Variants in PTGFRN observed in about 807,000 individuals in gnomAD.
PTGFRN encodes the protein prostaglandin F2 receptor inhibitor, also known as prostaglandin F2 receptor negative regulator.
PTGFRN carries 35 observed loss-of-function variants against 83.2 expected under a neutral mutation model. The ratio of observed to expected loss-of-function variants is 0.42; its 90% confidence interval spans 0.32 to 0.56. The LOEUF (loss-of-function observed/expected upper bound fraction) is 0.56. Among genes scored for constraint, PTGFRN ranks in the 20% least tolerant of loss-of-function variants. The probability of loss-of-function intolerance (pLI) is 0.11; values close to 1 mark genes in which losing one functional copy is unlikely to be tolerated. For missense variants in PTGFRN, 1,051 were observed against 1,179.5 expected, an observed-to-expected ratio of 0.89 and a Z score of 1.60; for synonymous variants, 519 against 498.6, an observed-to-expected ratio of 1.04 and a Z score of -0.55.
At chr1:116,916,168 A>G (rs559504442) in intron 1 of PTGFRN, among the ~76,000 whole-genome samples, 2 of 152,342 alleles carry the variant, frequency 1.3e-5, no homozygotes, top group African/African-American at 4.8e-5. Flanking sequence ...TTTAAGTAAA[A>G]TGTTCTGGGA....
At chr1:116,915,654 G>A (rs941696622) in intron 1 of PTGFRN, among the ~76,000 whole-genome samples, 2 of 152,170 alleles carry the variant, frequency 1.3e-5, no homozygotes, top group Non-Finnish European at 2.9e-5. Flanking sequence ...ATGAGCTGCT[G>A]AGCTGATTTT....
In PTGFRN at chr1:116,958,483, G is replaced by A. The variant is rs978617513; in HGVS notation, c.1214-2760G>A. 6.6e-6 allele frequency among the ~76,000 whole-genome samples: 1 copy of A among 152,150 alleles called. No individual in the cohort carries two copies. The highest frequency in any genetic ancestry group is 2.4e-5 in the African/African-American group (1 of 41,426). On this transcript the variant is annotated intron_variant, in intron 4 of 8. Transcript: ENST00000393203. This position sits in a 1 kb window ranked among gnomAD's most constrained non-coding sequence, Gnocchi z 4.9. ...CCCATCTGCCACTTTTGAACTGTGTGGCCAAGTCACTAACTTCTTTAAAGC... is the reference window on the plus strand; with the variant it reads ...CCCATCTGCCACTTTTGAACTGTGTAGCCAAGTCACTAACTTCTTTAAAGC...
At chr1:116,922,857 G>C (rs542307053) in intron 1 of PTGFRN, among the ~76,000 whole-genome samples, 1 of 152,306 alleles carries the variant, frequency 6.6e-6, no homozygotes, top group Admixed American at 6.5e-5. Flanking sequence ...GAAACGACTG[G>C]AAGATAGATG....
intron 4 of PTGFRN, among the ~76,000 whole-genome samples, chr1:116,955,388 T>C (rs1221315497): frequency 6.6e-6 from 1 of 152,202 alleles, no homozygotes; most frequent in African/African-American, 2.4e-5. Flanking sequence ...GTTGAAGAAA[T>C]AACCACCAAC....
intron 4 of PTGFRN, among the ~76,000 whole-genome samples, chr1:116,960,236 A>C (rs1234634495): frequency 6.6e-6 from 1 of 152,206 alleles, no homozygotes. Flanking sequence ...AGTGCATCTC[A>C]CATCATCACA....
chr1:116,959,902 G>A (rs1156361741), intron 4 of PTGFRN, among the ~76,000 whole-genome samples: 2 of 152,046 alleles, frequency 1.3e-5, no homozygotes, highest in African/African-American at 4.8e-5. Context: ...CTGGAACCTG[G>A]GAGGCAGTTG....
At chr1:116,971,095 GTGT>G (rs1234694452) in intron 6 of PTGFRN, among the ~76,000 whole-genome samples, 1 of 152,114 alleles carries the variant, frequency 6.6e-6, no homozygotes, top group African/African-American at 2.4e-5. Flanking sequence ...CTGTTAACTT[GTGT>G]TGTTCATCTT....
Position 116,910,036 on chromosome 1 carries a change from G to T in PTGFRN, c.-168G>T. 1 of 762,456 alleles carries T rather than the reference G, an allele frequency of 1.3e-6. No homozygotes were observed. Among genetic ancestry groups the T allele is most frequent in the Non-Finnish European group, 2.2e-6 (1 of 456,630 alleles). The allele number at this position is 762,456 out of a possible 1,614,324, so 47.2% of individuals were successfully genotyped here. The stretch of plus-strand genomic sequence containing the variant: ...GGAGGGAGCGAGCGGAGCCAGGGGC[G>T]CACGTACGCCCCAGCGCTGGGATTT... On this transcript the variant is annotated 5_prime_UTR_variant, in exon 1 of 9. Transcript: ENST00000393203.
At position 116,974,265 on chromosome 1, in the gene PTGFRN, G is replaced by A. The variant is rs1455919924; in HGVS notation, c.2109G>A (p.Arg703=). Residue 703 remains arginine, a synonymous_variant, in exon 7 of 9, where the codon CGG becomes CGA. Coordinates refer to ENST00000393203, the MANE Select transcript of PTGFRN (RefSeq NM_020440.4). ...ATTCAGACACACCATCAGTAATTCG[G>A]GGAGATCTGATCAAATTGTTCTGTA... ...SVHSDTPSVI[R]GDLIKLFCII... 1 of 1,613,642 alleles carries A rather than the reference G, an allele frequency of 6.2e-7. No individual in the cohort carries two copies. Among genetic ancestry groups the A allele is most frequent in the East Asian group, 2.2e-5 (1 of 44,880 alleles).
At chr1:116,951,061 C>G (rs1650332395) in intron 4 of PTGFRN, among the ~76,000 whole-genome samples, 1 of 152,302 alleles carries the variant, frequency 6.6e-6, no homozygotes, top group East Asian at 1.9e-4. Context: ...CAAATCCCAG[C>G]ACTGGCTCTC....
chr1:116,921,453 A>C (rs945714922), intron 1 of PTGFRN, among the ~76,000 whole-genome samples: 2 of 152,254 alleles, frequency 1.3e-5, no homozygotes, highest in Non-Finnish European at 1.5e-5. Flanking sequence ...TCTTTGATTG[A>C]GAAATCCTTA....
chr1:116,940,246 A>G (rs1650028002), intron 1 of PTGFRN, among the ~76,000 whole-genome samples: 2 of 152,234 alleles, frequency 1.3e-5, no homozygotes, highest in Non-Finnish European at 2.9e-5. Context: ...TGGTTCCTGC[A>G]GAGGGCTGAG....
At position 116,987,164 on chromosome 1, in the gene PTGFRN, A is replaced by C. The variant is rs903508704; in HGVS notation, c.*197A>C. On this transcript the variant is annotated 3_prime_UTR_variant, in exon 9 of 9. Transcript: ENST00000393203. Reference sequence around the variant, plus strand: ...TTACCAGCACACGGCTCTTCTTCCCACGGCACTTTCTGATGTAACAATCGA... The same window carrying C: ...TTACCAGCACACGGCTCTTCTTCCCCCGGCACTTTCTGATGTAACAATCGA... 1.8e-6 allele frequency: 1 copy of C among 570,126 alleles called. No homozygotes were observed. The highest frequency in any genetic ancestry group is 1.9e-5 in the African/African-American group (1 of 53,232). 35.3% of individuals were successfully genotyped at this position (570,126 alleles called of 1,614,324 possible). A position where few individuals can be genotyped will look rare whatever the true frequency, so the allele number is the denominator to read the frequency against.
At chr1:116,910,353 G>T (rs993292780) in intron 1 of PTGFRN, 101 bp downstream of exon 1, 4 of 1,081,256 alleles carry the variant, frequency 3.7e-6, no homozygotes, top group Non-Finnish European at 4.7e-6. Context: ...CGCCGAGGGT[G>T]CCCGGGCTGC....
intron 3 of PTGFRN, 116 bp downstream of exon 3, chr1:116,945,208 T>G: frequency 7.6e-7 from 1 of 1,308,770 alleles, no homozygotes; most frequent in African/African-American, 1.5e-5. Context: ...CTGCTTCCCA[T>G]GTGAGGCCTT....
At chr1:116,962,707 T>C (rs1335180769) in intron 5 of PTGFRN, among the ~76,000 whole-genome samples, 3 of 152,164 alleles carry the variant, frequency 2.0e-5, no homozygotes, top group Non-Finnish European at 4.4e-5. Flanking sequence ...CAGTCTCAAT[T>C]TCAAGCATCC....
At chr1:116,934,402 C>T (rs1000969344) in intron 1 of PTGFRN, among the ~76,000 whole-genome samples, 4 of 152,216 alleles carry the variant, frequency 2.6e-5, no homozygotes, top group African/African-American at 4.8e-5. Context: ...CTGTCTCAGC[C>T]TCCCAGTGTG....
chr1:116,954,518 T>C (rs1557741893), intron 4 of PTGFRN, among the ~76,000 whole-genome samples: 1 of 152,258 alleles, frequency 6.6e-6, no homozygotes, highest in Non-Finnish European at 1.5e-5. Flanking sequence ...CAGCCATTCA[T>C]GTAATTAGCT....
intron 1 of PTGFRN, 42 bp downstream of exon 1, chr1:116,910,294 G>A (rs1158456106): frequency 7.7e-7 from 1 of 1,298,462 alleles, no homozygotes; most frequent in South Asian, 2.4e-5. Flanking sequence ...GGGGACTGGC[G>A]AGGCCCTGGA....
Sources: allele counts gnomAD v4.1 joint callset (sites outside exome capture counted in the v4.1 genomes callset), GRCh38; gene constraint gnomAD v4.1.1; non-coding constraint Gnocchi (gnomAD v3.1); transcripts MANE v1.5; gene names NCBI Gene and HGNC (gene_info 2026-07-23, HGNC 2026-07-21).